The following DCC variants were observed in gnomAD, a reference collection of about 807,000 sequenced individuals.
The protein encoded by DCC is DCC netrin 1 receptor, also known as netrin receptor DCC.
DCC carries 58 observed loss-of-function variants against 172.5 expected under a neutral mutation model. The ratio of observed to expected loss-of-function variants is 0.34; its 90% confidence interval spans 0.27 to 0.42. The LOEUF (loss-of-function observed/expected upper bound fraction) is 0.42. DCC is among the 10% of genes least tolerant of loss of function. The probability of loss-of-function intolerance (pLI) is 1.00; values close to 1 mark genes in which losing one functional copy is unlikely to be tolerated. For synonymous variants in DCC, 709 were observed against 644.5 expected, an observed-to-expected ratio of 1.10 and a Z score of -1.52; for missense variants, 1,740 against 1,791.0, an observed-to-expected ratio of 0.97 and a Z score of 0.51.
At chr18:53,486,625 T>A (rs561186831) in intron 25 of DCC, among the ~76,000 whole-genome samples, 172 bp from the exon 26 acceptor site, 46 of 152,304 alleles carry the variant, frequency 3.0e-4, no homozygotes, top group African/African-American at 1.1e-3. Flanking sequence ...GGATGAGCTG[T>A]CTTTTCTAAA....
chr18:52,369,536 G>A (rs1301911686), intron 1 of DCC, among the ~76,000 whole-genome samples: 3 of 151,984 alleles, frequency 2.0e-5, no homozygotes, highest in African/African-American at 7.3e-5. Flanking sequence ...TGCTCATGAT[G>A]TTACAACGAT....
intron 2 of DCC, among the ~76,000 whole-genome samples, chr18:52,804,313 G>T (rs2038047767): frequency 6.6e-6 from 1 of 152,020 alleles, no homozygotes; most frequent in Non-Finnish European, 1.5e-5. Flanking sequence ...ACATAAATTG[G>T]TCAATATCAT....
intron 3 of DCC, among the ~76,000 whole-genome samples, chr18:52,906,817 T>C (rs17389596): frequency 0.4 from 59,666 of 150,534 alleles, 12,326 homozygotes; most frequent in Non-Finnish European, 0.47. Context: ...ATATTAAAAT[T>C]AGGCTGATCT....
intron 5 of DCC, among the ~76,000 whole-genome samples, chr18:53,048,661 T>C (rs915981309): frequency 1.3e-5 from 2 of 151,158 alleles, no homozygotes; most frequent in African/African-American, 4.9e-5. Context: ...CATTCTTTTA[T>C]ATATGTATAT....
intron 11 of DCC, among the ~76,000 whole-genome samples, chr18:53,213,890 T>A (rs1006608967): frequency 3.0e-5 from 3 of 101,380 alleles, no homozygotes; most frequent in African/African-American, 1.5e-4. Flanking sequence ...ATTTATACTT[T>A]AACTTAAAAA....
At chr18:53,316,797 G>C (rs1384040886) in intron 13 of DCC, among the ~76,000 whole-genome samples, 3 of 152,176 alleles carry the variant, frequency 2.0e-5, no homozygotes, top group African/African-American at 7.2e-5. Flanking sequence ...CATTGATTTT[G>C]TATCCTGAGA....
intron 1 of DCC, among the ~76,000 whole-genome samples, chr18:52,652,481 G>A (rs905221440): frequency 2.6e-5 from 4 of 152,030 alleles, no homozygotes; most frequent in Admixed American, 6.6e-5. Flanking sequence ...AATCAAACGA[G>A]TCATGCTCTT....
At chr18:53,391,227 A>G (rs1262670063) in intron 16 of DCC, among the ~76,000 whole-genome samples, 1 of 152,208 alleles carries the variant, frequency 6.6e-6, no homozygotes, top group African/African-American at 2.4e-5. Flanking sequence ...ATTAGGTATT[A>G]GATAAGCAAT....
At chr18:53,007,270 A>G (rs900337478) in intron 5 of DCC, among the ~76,000 whole-genome samples, 7 of 152,184 alleles carry the variant, frequency 4.6e-5, no homozygotes, top group Admixed American at 3.9e-4. Flanking sequence ...GAAACCCAAG[A>G]TGACAATGAT....
chr18:52,612,490 A>G (rs1040116744), intron 1 of DCC, among the ~76,000 whole-genome samples: 1 of 151,842 alleles, frequency 6.6e-6, no homozygotes, highest in African/African-American at 2.4e-5. Flanking sequence ...GGCCATATCA[A>G]TCTCTGCTTA....
chr18:53,438,022 C>T (rs533590705), intron 22 of DCC, among the ~76,000 whole-genome samples: 1 of 152,276 alleles, frequency 6.6e-6, no homozygotes, highest in South Asian at 2.1e-4. Flanking sequence ...TTGGGAGAAA[C>T]ATAATTGTTG....
At chr18:53,093,111 A>G (rs992179616) in intron 7 of DCC, among the ~76,000 whole-genome samples, 2 of 152,072 alleles carry the variant, frequency 1.3e-5, no homozygotes, top group African/African-American at 2.4e-5. Flanking sequence ...GTGAAACCCC[A>G]TCTCTACTGA....
intron 25 of DCC, among the ~76,000 whole-genome samples, chr18:53,477,830 T>A (rs964316266): frequency 6.6e-6 from 1 of 152,202 alleles, no homozygotes; most frequent in Non-Finnish European, 1.5e-5. Flanking sequence ...CTGAGGCTCA[T>A]GAAAAACATG....
In DCC at chr18:52,665,848, A is replaced by G. The variant is rs72929137; in HGVS notation, c.92-86206A>G. On this transcript the variant is annotated intron_variant, in intron 1 of 28. Coordinates refer to ENST00000442544, the MANE Select transcript of DCC (RefSeq NM_005215.4). ...CTGACAATTTTTTTAGGATGCCTGAATTATCAAAGGAATCTAGAGTTCAAT... is the reference window on the plus strand; with the variant it reads ...CTGACAATTTTTTTAGGATGCCTGAGTTATCAAAGGAATCTAGAGTTCAAT... Among the ~76,000 whole-genome samples the G allele has an allele frequency of 4.3e-3, 661 of 152,306 alleles. 2 individuals are homozygous for G. The highest frequency in any genetic ancestry group is 7.7e-3 in the Non-Finnish European group (521 of 68,032).
intron 1 of DCC, among the ~76,000 whole-genome samples, chr18:52,534,941 C>A (rs2032248953): frequency 6.6e-6 from 1 of 152,124 alleles, no homozygotes; most frequent in South Asian, 2.1e-4. Flanking sequence ...AGCTGGAATA[C>A]AGATATTGAG....
chr18:52,841,081 A>AG (rs1230907781), intron 2 of DCC, among the ~76,000 whole-genome samples: 12 of 152,196 alleles, frequency 7.9e-5, no homozygotes, highest in Non-Finnish European at 1.8e-4. Flanking sequence ...AATGAGGAGA[A>AG]GTAGTCATTC....
intron 20 of DCC, among the ~76,000 whole-genome samples, chr18:53,414,678 C>T (rs551911258): frequency 6.6e-6 from 1 of 152,056 alleles, no homozygotes; most frequent in East Asian, 1.9e-4. Flanking sequence ...GAAACCACAT[C>T]TCTACTAAAA....
At chr18:52,879,441 T>TTTTTTTTTTTG (rs2039451048) in intron 2 of DCC, among the ~76,000 whole-genome samples, 1 of 109,744 alleles carries the variant, frequency 9.1e-6, no homozygotes, top group African/African-American at 3.3e-5. Context: ...TTTTTTTTTT[T>TTTTTTTTTTTG]GAGATGGAGT....
intron 1 of DCC, among the ~76,000 whole-genome samples, chr18:52,633,717 A>T (rs1209903058): frequency 6.6e-6 from 1 of 152,192 alleles, no homozygotes; most frequent in Non-Finnish European, 1.5e-5. Context: ...CTGTTTTCCC[A>T]CATGACTCCT....
Sources: allele counts gnomAD v4.1 joint callset (sites outside exome capture counted in the v4.1 genomes callset), GRCh38; gene constraint gnomAD v4.1.1; transcripts MANE v1.5; gene names NCBI Gene and HGNC (gene_info 2026-07-23, HGNC 2026-07-21).